Variants in USP32 observed in about 807,000 individuals in gnomAD.
The protein encoded by USP32 is ubiquitin specific peptidase 32, also known as ubiquitin carboxyl-terminal hydrolase 32.
Under a neutral mutation model 204.8 loss-of-function variants are expected in USP32, and 59 were observed. That is an observed-to-expected ratio of 0.29 (90% CI 0.23 to 0.36). USP32 has a LOEUF of 0.36. Among genes scored for constraint, USP32 ranks in the 10% least tolerant of loss-of-function variants. The probability of loss-of-function intolerance (pLI) is 1.00; values close to 1 mark genes in which losing one functional copy is unlikely to be tolerated. For synonymous variants in USP32, 517 were observed against 678.4 expected (o/e 0.76, Z 3.70); for missense variants, 1,160 against 1,946.4 (o/e 0.60, Z 7.60).
intron 1 of USP32, among the ~76,000 whole-genome samples, chr17:60,398,981 A>C (rs531993016): frequency 5.4e-4 from 82 of 152,196 alleles, no homozygotes; most frequent in African/African-American, 1.9e-3. Flanking sequence ...ACTGTCTTTA[A>C]AAAATAAAAT....
chr17:60,336,649 G>C (rs1448025270), intron 2 of USP32, among the ~76,000 whole-genome samples: 2 of 145,284 alleles, frequency 1.4e-5, no homozygotes, highest in South Asian at 2.1e-4. Flanking sequence ...CCGGGAGGCG[G>C]AGCTTGCAGT....
Position 60,331,053 on chromosome 17 carries a change from G to T in USP32, c.186+14428C>A, listed in dbSNP as rs574875560. ...AGTTCTTTTGTCTCAGAACTTAAGT[G>T]ACTAGGAAAAGATCATTAAGTAAAT... On this transcript the variant is annotated intron_variant, in intron 2 of 33. Transcript: ENST00000300896. 5.3e-5 allele frequency among the ~76,000 whole-genome samples: 8 copies of T among 152,254 alleles called. No homozygotes were observed. In the East Asian group the frequency reaches 1.5e-3, roughly 29 times the overall value.
chr17:60,283,903 C>T (rs1016593904), intron 5 of USP32, among the ~76,000 whole-genome samples: 3 of 151,794 alleles, frequency 2.0e-5, no homozygotes, highest in African/African-American at 4.8e-5. Flanking sequence ...GTACATCATC[C>T]GAGAACAAAC....
At chr17:60,352,259 T>C (rs528610948) in intron 1 of USP32, among the ~76,000 whole-genome samples, 2 of 152,310 alleles carry the variant, frequency 1.3e-5, no homozygotes, top group South Asian at 2.1e-4. Context: ...CTGGCAAATA[T>C]CCTTTTGCCC....
chr17:60,406,003 T>A (rs935326185), intron 1 of USP32, among the ~76,000 whole-genome samples: 11 of 151,764 alleles, frequency 7.2e-5, no homozygotes, highest in South Asian at 2.1e-4. Context: ...ATGTCTTTTT[T>A]AAATTTAGCT....
chr17:60,413,876 G>GAAAAAAAAAAAAAAAAAAAAA, intron 1 of USP32, among the ~76,000 whole-genome samples: 1 of 95,106 alleles, frequency 1.1e-5, no homozygotes, highest in Non-Finnish European at 2.1e-5. Context: ...AAAAAAAAAA[G>GAAAAAAAAAAAAAAAAAAAAA]AAAAAAAAAA....
At chr17:60,404,542 G>C (rs546456155) in intron 1 of USP32, among the ~76,000 whole-genome samples, 8 of 152,244 alleles carry the variant, frequency 5.3e-5, no homozygotes, top group Admixed American at 2.6e-4. Flanking sequence ...AGGAGAAACC[G>C]TCTTTGAGAG....
intron 1 of USP32, among the ~76,000 whole-genome samples, chr17:60,358,891 T>G (rs959508143): frequency 6.6e-6 from 1 of 152,238 alleles, no homozygotes; most frequent in African/African-American, 2.4e-5. Context: ...TGAGAATCTC[T>G]GGCTTAGGCC....
chr17:60,269,094 G>A (rs543507129), intron 7 of USP32, among the ~76,000 whole-genome samples: 2 of 152,284 alleles, frequency 1.3e-5, no homozygotes, highest in African/African-American at 4.8e-5. Flanking sequence ...GATGGAAAAT[G>A]AGTTATGCCT....
At chr17:60,226,503 T>G (rs967412604) in intron 12 of USP32, among the ~76,000 whole-genome samples, 3 of 152,232 alleles carry the variant, frequency 2.0e-5, no homozygotes, top group Non-Finnish European at 4.4e-5. Context: ...CAGCCATTTT[T>G]TTAACATTAA....
At position 60,217,961 on chromosome 17, in the gene USP32, C is replaced by T. The variant is rs564071311; in HGVS notation, c.1867+1709G>A. 5.9e-5 allele frequency among the ~76,000 whole-genome samples: 9 copies of T among 151,870 alleles called. 1 individual carries two copies. In the South Asian group the frequency reaches 1.2e-3, roughly 21 times the overall value. The stretch of plus-strand genomic sequence containing the variant: ...CTATGTTGCCCAGGCTGGTCTCAAA[C>T]TCCTGGCTTCAAATGATCTTCCTCC... On this transcript the variant is annotated intron_variant, in intron 16 of 33. Coordinates refer to ENST00000300896, the MANE Select transcript of USP32 (RefSeq NM_032582.4).
rs762785759 is a variant in USP32, at chr17:60,179,213, T to C, written c.*42A>G. ...GCCAAATGTCAGCTACAAGGAGTCATCTCCCTCACCGCCAAGCTGTCTAGC... is the reference window on the plus strand; with the variant it reads ...GCCAAATGTCAGCTACAAGGAGTCACCTCCCTCACCGCCAAGCTGTCTAGC... On this transcript the variant is annotated 3_prime_UTR_variant, in exon 34 of 34. Coordinates refer to ENST00000300896, the MANE Select transcript of USP32 (RefSeq NM_032582.4). 1.9e-6 allele frequency: 3 copies of C among 1,581,740 alleles called. No individual in the cohort carries two copies. The highest frequency in any genetic ancestry group is 2.3e-5 in the South Asian group (2 of 87,222).
intron 29 of USP32, 150 bp from the exon 30 acceptor site, chr17:60,185,801 C>G: frequency 1.1e-6 from 1 of 942,168 alleles, no homozygotes. Context: ...GTGGCTCATG[C>G]CTGTAATCCC....
intron 1 of USP32, among the ~76,000 whole-genome samples, chr17:60,397,767 A>G (rs2089909555): frequency 6.6e-6 from 1 of 152,104 alleles, no homozygotes; most frequent in Non-Finnish European, 1.5e-5. Context: ...CCTTTTGATC[A>G]ATAACTATTA....
At chr17:60,198,633 G>A (rs9891296) in intron 26 of USP32, among the ~76,000 whole-genome samples, 189 bp from the exon 27 acceptor site, 30,472 of 152,166 alleles carry the variant, frequency 0.2, 7,406 homozygotes, top group African/African-American at 0.58. Flanking sequence ...AGTCATTAAA[G>A]GGGCTGAGGT....
intron 14 of USP32, 68 bp from the exon 15 acceptor site, chr17:60,222,617 T>C (rs1026057954): frequency 2.0e-6 from 3 of 1,479,252 alleles, no homozygotes; most frequent in Admixed American, 1.9e-5. Flanking sequence ...CAGCAATACC[T>C]AGAAACAGGA....
At chr17:60,289,031 G>A (rs554309811) in intron 4 of USP32, among the ~76,000 whole-genome samples, 2 of 152,250 alleles carry the variant, frequency 1.3e-5, no homozygotes, top group East Asian at 1.9e-4. Context: ...TGTTTGAGAC[G>A]GAGTCTCACT....
At position 60,198,402 on chromosome 17, in the gene USP32, G is replaced by A. The variant is rs1208413077; in HGVS notation, c.3292C>T (p.Pro1098Ser). The A allele has an allele frequency of 3.1e-6, 5 of 1,614,104 alleles. No homozygotes were observed. The highest frequency in any genetic ancestry group is 4.2e-6 in the Non-Finnish European group (5 of 1,180,004). ...LYFLSSQKNRPSLFGMPLIVP... is the reference protein window; with the variant it reads ...LYFLSSQKNRSSLFGMPLIVP... Reference sequence around the variant, plus strand: ...ATCAATGGCATTCCAAAGAGGCTGGGGCGATTCTTCTGAGATGACAGGAAA... The same window carrying A: ...ATCAATGGCATTCCAAAGAGGCTGGAGCGATTCTTCTGAGATGACAGGAAA... Residue 1098 changes from proline (P) to serine (S), a missense_variant, in exon 27 of 34, where the codon CCC becomes TCC. Transcript: ENST00000300896.
intron 25 of USP32, 48 bp downstream of exon 25, chr17:60,206,972 CA>C (rs1323889242): frequency 1.9e-6 from 3 of 1,556,322 alleles, no homozygotes; most frequent in Non-Finnish European, 2.6e-6. Context: ...AACTCTTAGA[CA>C]AATATTTAAA....
Sources: gnomAD v4.1 joint callset for allele counts (sites outside exome capture counted in the v4.1 genomes callset) on GRCh38, gnomAD v4.1.1 for gene constraint, MANE v1.5 for transcripts, NCBI Gene and HGNC (gene_info 2026-07-23, HGNC 2026-07-21) for gene names.